SPPL2B: variants seen among roughly 807,000 people sequenced by gnomAD.
The protein encoded by SPPL2B is signal peptide peptidase like 2B, also known as signal peptide peptidase-like 2B.
Under a neutral mutation model 59.7 loss-of-function variants are expected in SPPL2B, and 39 were observed. That is an observed-to-expected ratio of 0.65 (90% CI 0.51 to 0.85). SPPL2B has a LOEUF of 0.85. Among genes scored for constraint, SPPL2B ranks in the 40% least tolerant of loss-of-function variants. The probability of loss-of-function intolerance (pLI) is 0.00; values close to 1 mark genes in which losing one functional copy is unlikely to be tolerated. For synonymous variants in SPPL2B, 419 were observed against 370.8 expected (o/e 1.13, Z -1.49); for missense variants, 865 against 849.0 (o/e 1.02, Z -0.23).
chr19:2,339,188 C>T lies in SPPL2B; in HGVS notation c.579C>T (p.Ala193=), dbSNP rs370826954. The T allele has an allele frequency of 1.1e-4, 182 of 1,603,182 alleles. No homozygotes were observed. The Middle Eastern group carries it at 2.4e-3, about 21-fold the overall frequency. Residue 193 remains alanine, a synonymous_variant, in exon 5 of 15, where the codon GCC becomes GCT. Coordinates refer to ENST00000613503, the MANE Select transcript of SPPL2B (RefSeq NM_152988.3). ...VGTVAIGGYW[A]GSRDVKKRYM... ...CCGTCGCCATCGGCGGCTACTGGGC[C>T]GGGAGTCGGGACGTGAAGAAGTGAG... is the stretch of plus-strand genomic sequence containing the variant.
chr19:2,337,015 CGTGT>C, intron 2 of SPPL2B: 1 of 164,728 alleles, frequency 6.1e-6, no homozygotes, highest in South Asian at 1.5e-4. Flanking sequence ...TGTGCGTGTG[CGTGT>C]GTGTGTGCGT....
chr19:2,334,473 C>G, intron 1 of SPPL2B, 129 bp from the exon 2 acceptor site: 1 of 1,310,902 alleles, frequency 7.6e-7, no homozygotes, highest in Non-Finnish European at 1.0e-6. Flanking sequence ...GGGGAAGCAT[C>G]CCAGACCACC....
Position 2,348,406 on chromosome 19 carries a change from C to T in SPPL2B, c.1355-3028C>T, listed in dbSNP as rs573676703. ...CTCTCCCTCCACACACAGACTCACG[C>T]GCTCTCATTCGCTTGATTCCATTCT... is the stretch of plus-strand genomic sequence containing the variant. On this transcript the variant is annotated intron_variant, in intron 13 of 14. Transcript: ENST00000613503. Among the ~76,000 whole-genome samples, 63 of 107,242 alleles carry T rather than the reference C, an allele frequency of 5.9e-4. 1 individual carries two copies. Among genetic ancestry groups the T allele is most frequent in the African/African-American group, 2.0e-3 (53 of 26,540 alleles). 70.4% of individuals were successfully genotyped at this position (107,242 alleles called of 152,430 possible).
At position 2,353,504 on chromosome 19, in the gene SPPL2B, G is replaced by C. The variant is rs1970045671; in HGVS notation, c.*295G>C. On this transcript the variant is annotated 3_prime_UTR_variant, in exon 15 of 15. Coordinates refer to ENST00000613503, the MANE Select transcript of SPPL2B (RefSeq NM_152988.3). ...CTCGCAGGCCCTGCCCGGCCTCTCT[G>C]CAGACCCTCAAGCGTCGTCTGCATG... The C allele has an allele frequency of 2.3e-6, 1 of 439,264 alleles. No individual in the cohort carries two copies. Among genetic ancestry groups the C allele is most frequent in the African/African-American group, 2.1e-5 (1 of 47,604 alleles). The allele number at this position is 439,264 out of a possible 1,614,324, so 27.2% of individuals were successfully genotyped here. A position where few individuals can be genotyped will look rare whatever the true frequency, so the allele number is the denominator to read the frequency against.
chr19:2,333,202 C>T (rs1968377991), intron 1 of SPPL2B, among the ~76,000 whole-genome samples: 1 of 39,378 alleles, frequency 2.5e-5, no homozygotes, highest in Non-Finnish European at 4.5e-5. Flanking sequence ...CTAGACTCTG[C>T]TGGGAGGGGA....
chr19:2,341,939 A>G (rs1429359001), intron 8 of SPPL2B: 1 of 204,660 alleles, frequency 4.9e-6, no homozygotes, highest in Non-Finnish European at 1.0e-5. Flanking sequence ...TTAAGAAATA[A>G]TATAAAATCA....
rs139119814 is a variant in SPPL2B at position 2,345,183 on chromosome 19, C to T, written c.1277-70C>T. The T allele has an allele frequency of 8.7e-4, 1,225 of 1,401,298 alleles. 7 individuals carry two copies. In the African/African-American group the frequency reaches 0.014, roughly 16 times the overall value. 86.8% of individuals were successfully genotyped at this position (1,401,298 alleles called of 1,614,324 possible). ...CGCCCACAGGTGCTCAGGTGCCCGC[C>T]CGCTCCCAGGAAGCCCCTGCTCTGA... On this transcript the variant is annotated intron_variant, in intron 12 of 14. Transcript: ENST00000613503.
chr19:2,352,438 T>G (rs1969980436), intron 14 of SPPL2B, among the ~76,000 whole-genome samples: 1 of 152,156 alleles, frequency 6.6e-6, no homozygotes, highest in South Asian at 2.1e-4. Context: ...TACGTCATGT[T>G]TTTGTGGAGG....
intron 8 of SPPL2B, chr19:2,342,047 G>C (rs1307367149): frequency 6.3e-6 from 1 of 157,570 alleles, no homozygotes; most frequent in Non-Finnish European, 1.4e-5. Context: ...GCTGTTAGCA[G>C]CCGCCCCGCC....
In SPPL2B at chr19:2,353,084, A is replaced by C; in HGVS notation, c.1654A>C (p.Lys552Gln). 1 of 1,611,672 alleles carries C rather than the reference A, an allele frequency of 6.2e-7. No homozygotes were observed. The highest frequency in any genetic ancestry group is 1.7e-4 in the Middle Eastern group (1 of 6,052). Reference protein sequence around the residue: ...TSPWPAEQSPKSRTSEEMGAG... With the variant: ...TSPWPAEQSPQSRTSEEMGAG... ...CCCCTGGCCTGCTGAGCAGTCCCCA[A>C]AATCACGCACGTCCGAGGAGATGGG... Residue 552 changes from lysine (K) to glutamine (Q), a missense_variant, in exon 15 of 15, where the codon AAA becomes CAA. Coordinates refer to ENST00000613503, the MANE Select transcript of SPPL2B (RefSeq NM_152988.3).
In SPPL2B at chr19:2,353,056, A is replaced by G. The variant is rs1970019510; in HGVS notation, c.1626A>G (p.Thr542=). 8 of 1,611,964 alleles carry G rather than the reference A, an allele frequency of 5.0e-6. No individual in the cohort carries two copies. The highest frequency in any genetic ancestry group is 6.8e-6 in the Non-Finnish European group (8 of 1,179,608). The change falls in exon 15 of 15, where the codon ACA becomes ACG. Residue 542 remains threonine, a synonymous_variant. Transcript: ENST00000613503. ...AGCCGCCCAGCGAAGAACCAGCCAC[A>G]TCCCCCTGGCCTGCTGAGCAGTCCC... ...SPQPPSEEPA[T]SPWPAEQSPK... is the part of the protein sequence containing the mutation.
In SPPL2B at chr19:2,345,302, C is replaced by A. The variant is rs751747478; in HGVS notation, c.1326C>A (p.Ser442=). The A allele has an allele frequency of 6.2e-7, 1 of 1,613,062 alleles. No homozygotes were observed. The highest frequency in any genetic ancestry group is 8.5e-7 in the Non-Finnish European group (1 of 1,179,754). ...GGTTTGACATCCAGGTACAGTCCTC[C>A]AGGGTATACTTCGTGGCCTGCACCA... ...CHRFDIQVQS[S]RVYFVACTIA... is the part of the protein sequence containing the mutation. The change falls in exon 13 of 15, where the codon TCC becomes TCA. Residue 442 remains serine, a synonymous_variant. Transcript: ENST00000613503.
chr19:2,339,748 C>T (rs922223386), intron 5 of SPPL2B, 76 bp from the exon 6 acceptor site: 58 of 1,536,952 alleles, frequency 3.8e-5, no homozygotes, highest in East Asian at 2.2e-4. Flanking sequence ...CCCGTTCCCC[C>T]GGGTGGCTGT....
intron 14 of SPPL2B, among the ~76,000 whole-genome samples, chr19:2,351,900 G>A (rs1455206938): frequency 1.3e-5 from 2 of 152,096 alleles, no homozygotes; most frequent in African/African-American, 4.8e-5. Flanking sequence ...GGACTCGGGG[G>A]TGCCATGTCC....
intron 9 of SPPL2B, 60 bp from the exon 10 acceptor site, chr19:2,343,905 G>T: frequency 1.5e-6 from 2 of 1,319,248 alleles, no homozygotes; most frequent in Non-Finnish European, 2.1e-6. Flanking sequence ...GGCCTCATGA[G>T]ATGGGAGTGG....
Position 2,353,324 on chromosome 19 carries a change from TC to T in SPPL2B, c.*119del. The T allele has an allele frequency of 1.6e-6, 2 of 1,270,800 alleles. No individual in the cohort carries two copies. Among genetic ancestry groups the T allele is most frequent in the Non-Finnish European group, 2.1e-6 (2 of 948,096 alleles). The allele number at this position is 1,270,800 out of a possible 1,614,324, so 78.7% of individuals were successfully genotyped here. On this transcript the variant is annotated 3_prime_UTR_variant, in exon 15 of 15. Coordinates refer to ENST00000613503, the MANE Select transcript of SPPL2B (RefSeq NM_152988.3). ...TCCCCCGGGACCGAGGCCTGTGCCG[TC>T]CCCACCCGCCCCAACATGGTGCTCA...
intron 14 of SPPL2B, among the ~76,000 whole-genome samples, chr19:2,352,186 C>A (rs991979459): frequency 6.6e-6 from 1 of 151,942 alleles, no homozygotes; most frequent in Admixed American, 6.6e-5. Context: ...TGGGTGGGAC[C>A]CCCCCTTCCA....
At chr19:2,348,823 C>T (rs867421091) in intron 13 of SPPL2B, among the ~76,000 whole-genome samples, 2,543 of 125,570 alleles carry the variant, frequency 0.02, 141 homozygotes, top group African/African-American at 0.094. Context: ...TGTTCTCATT[C>T]GCTTGATTCC....
At chr19:2,347,396 T>C (rs867333821) in intron 13 of SPPL2B, among the ~76,000 whole-genome samples, 40 of 3,496 alleles carry the variant, frequency 0.011, 6 homozygotes, top group South Asian at 0.038. Flanking sequence ...GTTCTCTCTC[T>C]CCACACACGC....
Sources: allele counts gnomAD v4.1 joint callset (sites outside exome capture counted in the v4.1 genomes callset), GRCh38; gene constraint gnomAD v4.1.1; transcripts MANE v1.5; gene names NCBI Gene and HGNC (gene_info 2026-07-23, HGNC 2026-07-21).